ERLIN2: variants seen among roughly 807,000 people sequenced by gnomAD.
The protein encoded by ERLIN2 is erlin-2.
A neutral mutation model predicts 41.5 loss-of-function variants in ERLIN2; 22 were observed. That is an observed-to-expected ratio of 0.53 (90% CI 0.38 to 0.76). The LOEUF is 0.76. ERLIN2 is among the 30% of genes least tolerant of loss of function. ERLIN2 has a pLI of 0.00. For synonymous variants in ERLIN2, 149 were observed against 150.9 expected (o/e 0.99, Z 0.09); for missense variants, 247 against 414.3 (o/e 0.60, Z 3.51).
intron 6 of ERLIN2, chr8:37,745,547 G>A (rs1439683373): frequency 5.6e-6 from 9 of 1,612,640 alleles, no homozygotes; most frequent in Non-Finnish European, 7.6e-6. Flanking sequence ...TTAACCAATA[G>A]TATAACTGTT....
intron 6 of ERLIN2, among the ~76,000 whole-genome samples, chr8:37,749,309 G>C (rs1175786991): frequency 6.6e-6 from 1 of 152,160 alleles, no homozygotes; most frequent in Non-Finnish European, 1.5e-5. Context: ...AGTATTTTCA[G>C]AACAAAGGTT....
chr8:37,740,530 G>A, intron 3 of ERLIN2, 84 bp downstream of exon 3: 1 of 859,366 alleles, frequency 1.2e-6, no homozygotes, highest in Non-Finnish European at 1.9e-6. Flanking sequence ...TTTAGCCATT[G>A]GATGAGTAAA....
At chr8:37,747,445 T>C (rs1803088850) in intron 6 of ERLIN2, 1 of 1,611,828 alleles carries the variant, frequency 6.2e-7, no homozygotes, top group Non-Finnish European at 8.5e-7. Context: ...CTCCAGCTGT[T>C]TTTCAATCAC....
At chr8:37,743,618 A>G (rs868663951) in intron 4 of ERLIN2, among the ~76,000 whole-genome samples, 24 of 152,216 alleles carry the variant, frequency 1.6e-4, no homozygotes, top group African/African-American at 5.3e-4. Context: ...AGTCCATAAC[A>G]CAAACTGTTG....
chr8:37,738,718 T>C (rs1405101969), intron 2 of ERLIN2, among the ~76,000 whole-genome samples: 1 of 152,136 alleles, frequency 6.6e-6, no homozygotes, highest in African/African-American at 2.4e-5. Flanking sequence ...AGAGCCCATC[T>C]CTACAAAAAG....
chr8:37,749,566 T>G lies in ERLIN2; in HGVS notation c.432T>G (p.Ile144Met). 1 of 1,612,510 alleles carries G rather than the reference T, an allele frequency of 6.2e-7. No homozygotes were observed. Among genetic ancestry groups the G allele is most frequent in the Non-Finnish European group, 8.5e-7 (1 of 1,178,486 alleles). ...QEVYIELFDQ[I>M]DENLKLALQQ... Reference sequence around the variant, plus strand: ...ATCTTTTCTTTATTCCAGATCAGATTGATGAAAATCTCAAACTGGCTTTGC... The same window carrying G: ...ATCTTTTCTTTATTCCAGATCAGATGGATGAAAATCTCAAACTGGCTTTGC... Residue 144 changes from isoleucine (I) to methionine (M), a missense_variant, in exon 7 of 12, where the codon ATT becomes ATG. Physicochemically the swap from Ile to Met is conservative, Grantham distance 10 (BLOSUM62 1). Transcript: ENST00000519638.
intron 8 of ERLIN2, 82 bp downstream of exon 8, chr8:37,749,934 G>A (rs1273764447): frequency 9.0e-6 from 11 of 1,219,738 alleles, no homozygotes; most frequent in Non-Finnish European, 1.3e-5. Context: ...AACCAAAGCT[G>A]CCAGGCTTCT....
At chr8:37,744,092 G>A (rs548111078) in intron 4 of ERLIN2, among the ~76,000 whole-genome samples, 1 of 152,190 alleles carries the variant, frequency 6.6e-6, no homozygotes, top group Non-Finnish European at 1.5e-5. Context: ...CCAAAGATAT[G>A]AGTTACTCTT....
At chr8:37,740,104 C>T (rs898188570) in intron 2 of ERLIN2, among the ~76,000 whole-genome samples, 1 of 148,374 alleles carries the variant, frequency 6.7e-6, no homozygotes, top group Non-Finnish European at 1.5e-5. Flanking sequence ...GTGGGTTCTG[C>T]TGTCTTTATT....
intron 1 of ERLIN2, chr8:37,737,678 G>C: frequency 1.9e-6 from 1 of 526,512 alleles, no homozygotes; most frequent in Non-Finnish European, 3.4e-6. Context: ...GCTGTATCCG[G>C]AGCCAGTGCT....
chr8:37,740,460 CTG>C lies in ERLIN2; in HGVS notation c.189+17_189+18del, dbSNP rs766464737. On this transcript the variant is annotated intron_variant, in intron 3 of 11. Transcript: ENST00000519638. ...AAGTCTGTGCAGGTATGCTTGGCCT[CTG>C]TGGTATGGCTGGACGACTGCAAACT... 2.1e-5 allele frequency: 33 copies of C among 1,603,242 alleles called. No individual in the cohort carries two copies. The highest frequency in any genetic ancestry group is 5.0e-5 in the Admixed American group (3 of 59,928).
At chr8:37,747,868 T>C (rs1216266223) in intron 6 of ERLIN2, 1 of 1,614,084 alleles carries the variant, frequency 6.2e-7, no homozygotes, top group Non-Finnish European at 8.5e-7. Flanking sequence ...GGGCAATTTC[T>C]CTAACTGACA....
chr8:37,737,706 G>A (rs548045304), intron 1 of ERLIN2: 22 of 583,846 alleles, frequency 3.8e-5, no homozygotes, highest in South Asian at 2.9e-4. Flanking sequence ...TGCGGTGGGG[G>A]CTCTAATTTT....
intron 9 of ERLIN2, 132 bp from the exon 10 acceptor site, chr8:37,751,494 G>A: frequency 1.4e-6 from 1 of 728,720 alleles, no homozygotes; most frequent in Non-Finnish European, 2.5e-6. Context: ...CTCTGCCCTT[G>A]TGTGCACTCA....
rs150529140 is a variant in ERLIN2, at chr8:37,749,848, T to C, written c.553T>C (p.Leu185=). ...AGAGGCAATCCGCAGAAACTACGAG[T>C]TGATGTGAGTATACCCTCCGCCTGG... ...IPEAIRRNYE[L]MESEKTKLLI... Residue 185 remains leucine (L), a synonymous_variant, in exon 8 of 12, where the codon TTG becomes CTG. Transcript: ENST00000519638. 390 of 1,613,724 alleles carry C rather than the reference T, an allele frequency of 2.4e-4. No homozygotes were observed. The highest frequency in any genetic ancestry group is 8.2e-4 in the South Asian group (75 of 91,064).
At chr8:37,737,047 G>C in intron 1 of ERLIN2, 1 of 943,908 alleles carries the variant, frequency 1.1e-6, no homozygotes, top group Non-Finnish European at 1.3e-6. Flanking sequence ...CCCCGGTTAC[G>C]TTAGACCTGG....
chr8:37,738,779 G>C (rs945309855), intron 2 of ERLIN2, among the ~76,000 whole-genome samples: 2 of 152,188 alleles, frequency 1.3e-5, no homozygotes, highest in South Asian at 4.2e-4. Flanking sequence ...CAGTTATTTG[G>C]GGGGCTGAGG....
intron 11 of ERLIN2, 127 bp downstream of exon 11, chr8:37,753,656 G>A: frequency 1.2e-6 from 1 of 858,384 alleles, no homozygotes; most frequent in Non-Finnish European, 1.9e-6. Context: ...GGATGCCTTT[G>A]CTGTGTGGTG....
chr8:37,745,380 T>C lies in ERLIN2; in HGVS notation c.424+684T>C, dbSNP rs371185175. On this transcript the variant is annotated intron_variant, in intron 6 of 11. Transcript: ENST00000519638. ...TTCCACGTGCCTAAGTAGATATGTT[T>C]TGTCCTTTTTACCTTTTTCAAAGTA... is the stretch of plus-strand genomic sequence containing the variant. The C allele has an allele frequency of 4.7e-4, 293 of 626,620 alleles. 2 individuals are homozygous for C. The South Asian group carries it at 5.5e-3, about 12-fold the overall frequency. The allele number at this position is 626,620 out of a possible 1,614,324, so 38.8% of individuals were successfully genotyped here.
Sources: allele counts gnomAD v4.1 joint callset (sites outside exome capture counted in the v4.1 genomes callset), GRCh38; gene constraint gnomAD v4.1.1; transcripts MANE v1.5; gene names NCBI Gene and HGNC (gene_info 2026-07-23, HGNC 2026-07-21).